ABCC3: variants seen among roughly 807,000 people sequenced by gnomAD.
The protein encoded by ABCC3 is ATP binding cassette subfamily C member 3, also known as ATP-binding cassette sub-family C member 3.
In ABCC3, 121 loss-of-function variants were observed where a neutral mutation model predicts 165.3. That is an observed-to-expected ratio of 0.73 (90% CI 0.63 to 0.85). ABCC3 has a LOEUF of 0.85. Ranked by LOEUF, ABCC3 falls within the 40% of genes least tolerant of loss-of-function variation. The pLI, the probability that ABCC3 is intolerant of heterozygous loss-of-function variation, is 0.00. For missense variants in ABCC3, 1,869 were observed against 1,964.1 expected, an observed-to-expected ratio of 0.95 and a Z score of 0.92; for synonymous variants, 733 against 810.1, an observed-to-expected ratio of 0.90 and a Z score of 1.62.
At chr17:50,663,352 G>GA in intron 8 of ABCC3, 9 of 340,720 alleles carry the variant, frequency 2.6e-5, no homozygotes, top group South Asian at 8.0e-5. Context: ...GAGCAGGGAA[G>GA]TCCAGTCAAT....
At chr17:50,656,625 A>G in intron 2 of ABCC3, 77 bp from the exon 3 acceptor site, 1 of 1,527,830 alleles carries the variant, frequency 6.5e-7, no homozygotes, top group Non-Finnish European at 8.8e-7. Flanking sequence ...TGGTGGCTTC[A>G]GGTACAAAGA....
Position 50,676,104 on chromosome 17 carries a change from G to T in ABCC3, c.3067+14G>T. 6.2e-7 allele frequency: 1 copy of T among 1,613,972 alleles called. No individual in the cohort carries two copies. Among genetic ancestry groups the T allele is most frequent in the South Asian group, 1.1e-5 (1 of 91,052 alleles). Reference sequence around the variant, plus strand: ...GAATTCTGCAAGGTGAGCTTGTGGGGGTGTCCAGAAGGGGCTCCAATATCC... The same window carrying T: ...GAATTCTGCAAGGTGAGCTTGTGGGTGTGTCCAGAAGGGGCTCCAATATCC... On this transcript the variant is annotated intron_variant, in intron 22 of 30. Coordinates refer to ENST00000285238, the MANE Select transcript of ABCC3 (RefSeq NM_003786.4).
chr17:50,665,812 A>T (rs999877153), intron 11 of ABCC3, among the ~76,000 whole-genome samples: 1 of 151,130 alleles, frequency 6.6e-6, no homozygotes, highest in Non-Finnish European at 1.5e-5. Flanking sequence ...GGGTTTCACC[A>T]TGTTGGCCAG....
chr17:50,669,388 C>A lies in ABCC3; in HGVS notation c.2101C>A (p.Gln701Lys). The change falls in exon 17 of 31, where the codon CAG becomes AAG. Residue 701 changes from glutamine (Q) to lysine (K), a missense_variant. Transcript: ENST00000285238. ...CTATGTGCCCCAGCAGGCATGGATC[C>A]AGAACTGCACTCTTCAGGAAAACGT... is the stretch of plus-strand genomic sequence containing the variant. ...VAYVPQQAWIQNCTLQENVLF... is the reference protein window; with the variant it reads ...VAYVPQQAWIKNCTLQENVLF... The A allele has an allele frequency of 6.2e-7, 1 of 1,614,244 alleles. No homozygotes were observed.
At chr17:50,641,726 A>C (rs571022317) in intron 1 of ABCC3, among the ~76,000 whole-genome samples, 1 of 152,118 alleles carries the variant, frequency 6.6e-6, no homozygotes, top group African/African-American at 2.4e-5. Context: ...TGGAGCATAT[A>C]CTCTAGTGGG....
Position 50,658,441 on chromosome 17 carries a change from T to A in ABCC3, c.619T>A (p.Tyr207Asn), listed in dbSNP as rs760433093. Residue 207 changes from tyrosine to asparagine, a missense_variant, in exon 6 of 31, where the codon TAC (tyrosine) becomes AAC (asparagine). Tyr to Asn is a moderately radical substitution (Grantham distance 143, BLOSUM62 -2). Coordinates refer to ENST00000285238, the MANE Select transcript of ABCC3 (RefSeq NM_003786.4). Reference sequence around the variant, plus strand: ...CTATTCTCTCGCCTTCTAGAACCCCTACCCTGAGACCAGCGCTGGCTTTCT... The same window carrying A: ...CTATTCTCTCGCCTTCTAGAACCCCAACCCTGAGACCAGCGCTGGCTTTCT... ...FSAKNVDPNP[Y>N]PETSAGFLSR... 1.2e-6 allele frequency: 2 copies of A among 1,613,988 alleles called. No individual in the cohort carries two copies. The highest frequency in any genetic ancestry group is 3.3e-5 in the Admixed American group (2 of 60,020).
Position 50,667,702 on chromosome 17 carries a change from C to A in ABCC3, c.1580C>A (p.Thr527Lys), listed in dbSNP as rs1003354. The A allele has an allele frequency of 6.2e-7, 1 of 1,614,118 alleles. No individual in the cohort carries two copies. Among genetic ancestry groups the A allele is most frequent in the South Asian group, 1.1e-5 (1 of 91,088 alleles). The change falls in exon 12 of 31, where the codon ACG becomes AAG. Residue 527 changes from threonine (T) to lysine (K), a missense_variant. Thr to Lys is a moderately conservative substitution (Grantham distance 78, BLOSUM62 -1). Transcript: ENST00000285238. Reference protein sequence around the residue: ...IRQGELQLLRTAAYLHTTTTF... With the variant: ...IRQGELQLLRKAAYLHTTTTF... ...CAGGGTGAGCTCCAGCTGCTGCGCA[C>A]GGCGGCCTACCTCCACACCACAACC... is the stretch of plus-strand genomic sequence containing the variant.
chr17:50,670,093 T>G (rs1424168337), intron 17 of ABCC3, among the ~76,000 whole-genome samples: 3 of 152,100 alleles, frequency 2.0e-5, no homozygotes, highest in Non-Finnish European at 4.4e-5. Context: ...GCATCACTTT[T>G]TTTTTTTAGA....
intron 6 of ABCC3, 91 bp downstream of exon 6, chr17:50,658,587 C>G: frequency 7.0e-7 from 1 of 1,420,478 alleles, no homozygotes; most frequent in Non-Finnish European, 9.9e-7. Flanking sequence ...GTTTAGGGAC[C>G]GGGCTGGCCA....
At chr17:50,636,624 G>A (rs529643989) in intron 1 of ABCC3, among the ~76,000 whole-genome samples, 1 of 152,308 alleles carries the variant, frequency 6.6e-6, no homozygotes, top group African/African-American at 2.4e-5. Flanking sequence ...TGTGGTGCCT[G>A]GGATGCCAAA....
chr17:50,639,299 C>T (rs1020986400), intron 1 of ABCC3, among the ~76,000 whole-genome samples: 1 of 152,164 alleles, frequency 6.6e-6, no homozygotes, highest in Non-Finnish European at 1.5e-5. Context: ...CATTTCATTG[C>T]TTGTGGCCTC....
chr17:50,678,130 G>C lies in ABCC3; in HGVS notation c.3616G>C (p.Val1206Leu). The change falls in exon 25 of 31, where the codon GTG (valine) becomes CTG (leucine). Residue 1206 changes from valine to leucine, a missense_variant. Physicochemically the swap from Val to Leu is conservative, Grantham distance 32 (BLOSUM62 1). Transcript: ENST00000285238. ...CGGAGTGGAGTTCGTGGGGAACTGC[G>C]TGGTGCTCTTTGCTGCACTATTTGC... ...SIGVEFVGNC[V>L]VLFAALFAVI... 1.3e-6 allele frequency: 2 copies of C among 1,582,678 alleles called. No homozygotes were observed. The highest frequency in any genetic ancestry group is 1.7e-6 in the Non-Finnish European group (2 of 1,164,274).
At chr17:50,665,911 C>A (rs1967517573) in intron 11 of ABCC3, among the ~76,000 whole-genome samples, 1 of 151,908 alleles carries the variant, frequency 6.6e-6, no homozygotes, top group Non-Finnish European at 1.5e-5. Context: ...CACACCTGGC[C>A]TATTGAAGTC....
intron 14 of ABCC3, 151 bp downstream of exon 14, chr17:50,668,668 T>C: frequency 1.3e-6 from 1 of 783,118 alleles, no homozygotes; most frequent in South Asian, 1.7e-5. Flanking sequence ...TTCCGGGTTC[T>C]CTGCTCTCCT....
At chr17:50,673,203 G>A in intron 18 of ABCC3, 65 bp downstream of exon 18, 2 of 1,589,056 alleles carry the variant, frequency 1.3e-6, no homozygotes, top group Non-Finnish European at 1.7e-6. Flanking sequence ...GAGCTGGTGA[G>A]AGGCTGAGGG....
chr17:50,689,228 G>A (rs1490043290), intron 30 of ABCC3, among the ~76,000 whole-genome samples: 1 of 152,242 alleles, frequency 6.6e-6, no homozygotes, highest in Non-Finnish European at 1.5e-5. Context: ...AACTGCAGGT[G>A]ATCCTGGGAA....
chr17:50,668,306 C>A (rs1967569688), intron 13 of ABCC3, 124 bp from the exon 14 acceptor site: 1 of 783,864 alleles, frequency 1.3e-6, no homozygotes, highest in East Asian at 2.5e-5. Flanking sequence ...TGGGAGGGAC[C>A]CCAGTGCTAG....
Position 50,679,869 on chromosome 17 carries a change from G to T in ABCC3, c.3777G>T (p.Arg1259Ser). Reference protein sequence around the residue: ...DLESNIVAVERVKEYSKTETE... With the variant: ...DLESNIVAVESVKEYSKTETE... Reference sequence around the variant, plus strand: ...AATCTAACATCGTGGCTGTGGAGAGGGTCAAGGAGTACTCCAAGACAGAGA... The same window carrying T: ...AATCTAACATCGTGGCTGTGGAGAGTGTCAAGGAGTACTCCAAGACAGAGA... Residue 1259 changes from arginine to serine, a missense_variant, in exon 26 of 31, where the codon AGG becomes AGT. Arg to Ser is a moderately radical substitution (Grantham distance 110). Transcript: ENST00000285238. 1 of 1,614,074 alleles carries T rather than the reference G, an allele frequency of 6.2e-7. No homozygotes were observed. The highest frequency in any genetic ancestry group is 1.7e-4 in the Middle Eastern group (1 of 6,056).
chr17:50,644,771 C>G (rs772383194), intron 1 of ABCC3, among the ~76,000 whole-genome samples: 1 of 151,780 alleles, frequency 6.6e-6, no homozygotes, highest in African/African-American at 2.4e-5. Context: ...GTAATCCCAG[C>G]ACTTTGGGAG....
Sources: gnomAD v4.1 joint callset for allele counts (sites outside exome capture counted in the v4.1 genomes callset) on GRCh38, gnomAD v4.1.1 for gene constraint, MANE v1.5 for transcripts, NCBI Gene and HGNC (gene_info 2026-07-23, HGNC 2026-07-21) for gene names.